Variants in PODXL observed in about 807,000 individuals in gnomAD.
PODXL encodes the protein podocalyxin.
In PODXL, 20 loss-of-function variants were observed where a neutral mutation model predicts 48.9. That is an observed-to-expected ratio of 0.41 (90% CI 0.29 to 0.59). PODXL has a LOEUF of 0.59. Ranked by LOEUF, PODXL falls within the 20% of genes least tolerant of loss-of-function variation. The pLI is 0.31. For synonymous variants in PODXL, 295 were observed against 287.4 expected (o/e 1.03, Z -0.27); for missense variants, 606 against 675.1 (o/e 0.90, Z 1.13).
intron 1 of PODXL, among the ~76,000 whole-genome samples, chr7:131,550,506 T>G (rs1170587952): frequency 1.3e-5 from 2 of 152,004 alleles, no homozygotes; most frequent in African/African-American, 4.8e-5. Context: ...ATTAGCTGGG[T>G]GTGGTGGCGC....
intron 1 of PODXL, 133 bp downstream of exon 1, chr7:131,556,127 G>A (rs910867498): frequency 2.4e-6 from 3 of 1,225,484 alleles, no homozygotes; most frequent in Non-Finnish European, 2.1e-6. Flanking sequence ...TCAGGGCTCC[G>A]TGTGTGACCC....
chr7:131,512,764 G>A (rs1197678965), intron 1 of PODXL, among the ~76,000 whole-genome samples: 1 of 152,060 alleles, frequency 6.6e-6, no homozygotes. Context: ...GATCACTTGA[G>A]GTCAGGAGTT....
intron 5 of PODXL, 57 bp downstream of exon 5, chr7:131,508,894 C>T: frequency 2.5e-6 from 3 of 1,187,206 alleles, no homozygotes; most frequent in Non-Finnish European, 3.8e-6. Context: ...TTCCCTCTCC[C>T]TCCCTCAGCC....
intron 1 of PODXL, among the ~76,000 whole-genome samples, chr7:131,543,201 C>T (rs1798511758): frequency 1.3e-5 from 2 of 152,192 alleles, no homozygotes; most frequent in South Asian, 4.1e-4. Flanking sequence ...TAGCTCACTA[C>T]AGCCTCTCAA....
rs903584175 is a variant in PODXL, at chr7:131,504,368, G to A, written c.1620C>T (p.Val540=). Residue 540 remains valine, a synonymous_variant, in exon 9 of 9, where the codon GTC becomes GTT. Transcript: ENST00000378555. ...LNGELGDSWI[V]PLDNLTKDDL... is the part of the protein sequence containing the mutation. ...CGTCCTTGGTCAGGTTGTCCAGAGG[G>A]ACGATCCAGCTGTCCCCCAGCTCCC... 1.2e-6 allele frequency: 2 copies of A among 1,614,192 alleles called. No individual in the cohort carries two copies. The highest frequency in any genetic ancestry group is 2.7e-5 in the African/African-American group (2 of 75,036).
chr7:131,520,880 C>T (rs1165748663), intron 1 of PODXL, among the ~76,000 whole-genome samples: 1 of 152,194 alleles, frequency 6.6e-6, no homozygotes, highest in East Asian at 1.9e-4. Context: ...AAGAAAAAAG[C>T]TGAGAGGCTG....
chr7:131,544,650 CTG>C (rs1798539388), intron 1 of PODXL, among the ~76,000 whole-genome samples: 1 of 16,542 alleles, frequency 6.0e-5, no homozygotes, highest in Non-Finnish European at 7.4e-4. Flanking sequence ...CACGCACGCC[CTG>C]TACTACGCAC....
intron 1 of PODXL, among the ~76,000 whole-genome samples, chr7:131,545,451 C>A (rs1798560115): frequency 6.6e-6 from 1 of 152,222 alleles, no homozygotes; most frequent in African/African-American, 2.4e-5. Flanking sequence ...AGTCCCACAT[C>A]CCAGGATAAC....
intron 1 of PODXL, among the ~76,000 whole-genome samples, chr7:131,516,358 G>T (rs1797996011): frequency 6.6e-6 from 1 of 152,166 alleles, no homozygotes; most frequent in Non-Finnish European, 1.5e-5. Context: ...GGCCAACATG[G>T]TGAAACCCCG....
rs759739754 is a variant in PODXL, at chr7:131,504,502, G to T, written c.1486C>A (p.Leu496Ile). The stretch of plus-strand genomic sequence containing the variant: ...TCCACTGTCTGCAGCTCCTCTGTTA[G>T]CCGCTGCTAGAGTGGGGAAGGTGAC... Reference protein sequence around the residue: ...RLSQRKDQQRLTEELQTVENG... With the variant: ...RLSQRKDQQRITEELQTVENG... The change falls in exon 9 of 9, where the codon CTA becomes ATA. Residue 496 changes from leucine to isoleucine, a missense_variant. Transcript: ENST00000378555. 1 of 1,614,150 alleles carries T rather than the reference G, an allele frequency of 6.2e-7. No individual in the cohort carries two copies. The highest frequency in any genetic ancestry group is 2.2e-5 in the East Asian group (1 of 44,880).
At chr7:131,506,760 G>A in intron 5 of PODXL, 34 bp from the exon 6 acceptor site, 8 of 1,609,298 alleles carry the variant, frequency 5.0e-6, no homozygotes, top group Non-Finnish European at 6.8e-6. Context: ...ACTCCGCGGG[G>A]AGCGTGACAG....
At chr7:131,506,479 G>C in intron 6 of PODXL, 100 bp downstream of exon 6, 2 of 1,453,158 alleles carry the variant, frequency 1.4e-6, no homozygotes, top group Non-Finnish European at 1.9e-6. Flanking sequence ...TTAGGGAACT[G>C]AAGGGGCACC....
At position 131,506,418 on chromosome 7, in the gene PODXL, T is replaced by C. The variant is rs903494304; in HGVS notation, c.1250-97A>G. The C allele has an allele frequency of 4.8e-6, 7 of 1,460,510 alleles. No homozygotes were observed. The African/African-American group carries it at 7.0e-5, about 15-fold the overall frequency. The allele number at this position is 1,460,510 out of a possible 1,614,324, so 90.5% of individuals were successfully genotyped here. A position where few individuals can be genotyped will look rare whatever the true frequency, so the allele number is the denominator to read the frequency against. On this transcript the variant is annotated intron_variant, in intron 6 of 8. Transcript: ENST00000378555. Reference sequence around the variant, plus strand: ...AAGAGAGGGACGCACCGTATCTCAGTCTCCTGAGTGTCTCTCGGGTGACCT... The same window carrying C: ...AAGAGAGGGACGCACCGTATCTCAGCCTCCTGAGTGTCTCTCGGGTGACCT...
chr7:131,523,538 C>T (rs1047180349), intron 1 of PODXL, among the ~76,000 whole-genome samples: 26 of 151,440 alleles, frequency 1.7e-4, no homozygotes, highest in African/African-American at 4.1e-4. Flanking sequence ...AAAAATTAGC[C>T]GGGCTTGGTG....
At chr7:131,509,340 C>T (rs1179211851) in intron 4 of PODXL, 25 bp downstream of exon 4, 4 of 1,575,080 alleles carry the variant, frequency 2.5e-6, no homozygotes, top group East Asian at 2.2e-5. Context: ...GGTTCTCCTA[C>T]TTGCCCCACC....
In PODXL at chr7:131,510,985, A is replaced by G. The variant is rs181912012; in HGVS notation, c.549T>C (p.Pro183=). ...TKAEHLTTPH[P]TSPLSPRQPT... ...GTTGTCGGGGGCTAAGTGGACTTGTAGGGTGAGGGGTCGTCAGATGTTCTG... is the reference window on the plus strand; with the variant it reads ...GTTGTCGGGGGCTAAGTGGACTTGTGGGGTGAGGGGTCGTCAGATGTTCTG... The change falls in exon 2 of 9, where the codon CCT becomes CCC. Residue 183 remains proline (P), a synonymous_variant. Coordinates refer to ENST00000378555, the MANE Select transcript of PODXL (RefSeq NM_001018111.3). 1.2e-6 allele frequency: 2 copies of G among 1,614,074 alleles called. No homozygotes were observed. The highest frequency in any genetic ancestry group is 4.5e-5 in the East Asian group (2 of 44,868).
intron 1 of PODXL, among the ~76,000 whole-genome samples, chr7:131,540,233 G>C (rs1474342058): frequency 1.3e-5 from 2 of 152,102 alleles, no homozygotes; most frequent in Non-Finnish European, 2.9e-5. Context: ...ATTTTGTAGA[G>C]ATACGGTCTC....
chr7:131,507,421 G>A (rs920908962), intron 5 of PODXL, among the ~76,000 whole-genome samples: 1 of 152,172 alleles, frequency 6.6e-6, no homozygotes, highest in African/African-American at 2.4e-5. Flanking sequence ...CTGAGGATGA[G>A]GGGAGAAGTG....
intron 1 of PODXL, among the ~76,000 whole-genome samples, chr7:131,548,652 T>C (rs1157409956): frequency 6.6e-6 from 1 of 152,256 alleles, no homozygotes. Flanking sequence ...ATATAACTGA[T>C]GCCTGTCTTA....
Sources: gnomAD v4.1 joint callset for allele counts (sites outside exome capture counted in the v4.1 genomes callset) on GRCh38, gnomAD v4.1.1 for gene constraint, MANE v1.5 for transcripts, NCBI Gene and HGNC (gene_info 2026-07-23, HGNC 2026-07-21) for gene names.